Variants in TPMT observed in about 807,000 individuals in gnomAD.
TPMT encodes thiopurine S-methyltransferase.
A neutral mutation model predicts 34.2 loss-of-function variants in TPMT; 18 were observed. The ratio of observed to expected loss-of-function variants is 0.53; its 90% CI spans 0.36 to 0.78. TPMT has a LOEUF of 0.78. Among genes scored for constraint, TPMT ranks in the 30% least tolerant of loss-of-function variants. The pLI is 0.00. For synonymous variants in TPMT, 69 were observed against 92.4 expected (o/e 0.75, Z 1.45); for missense variants, 265 against 288.1 (o/e 0.92, Z 0.58).
rs1271382622 is a variant in TPMT, at chr6:18,138,274, T to G, written c.494+689A>C. ...TATTTTGATTTTTTTGTTTTTTTTT[T>G]TTTTTAAATATTTTACAGACAAGGT... On this transcript the variant is annotated intron_variant, in intron 6 of 8. Coordinates refer to ENST00000309983, the MANE Select transcript of TPMT (RefSeq NM_000367.5). This position sits in a 1 kb window ranked among gnomAD's most constrained non-coding sequence, Gnocchi z 4.1. Among the ~76,000 whole-genome samples, 1 of 151,332 alleles carries G rather than the reference T, an allele frequency of 6.6e-6. No individual in the cohort carries two copies. The highest frequency in any genetic ancestry group is 2.4e-5 in the African/African-American group (1 of 41,090).
In TPMT at chr6:18,139,561, G is replaced by T; in HGVS notation, c.419+104C>A. The T allele has an allele frequency of 1.1e-6, 1 of 919,490 alleles. No individual in the cohort carries two copies. The highest frequency in any genetic ancestry group is 1.8e-6 in the Non-Finnish European group (1 of 564,350). The allele number at this position is 919,490 out of a possible 1,614,324, so 57.0% of individuals were successfully genotyped here. ...ACATTCAAAAAAATGCTTTGTGGATGTTACACAGGAGGAAGAGAGTGAGGA... is the reference window on the plus strand; with the variant it reads ...ACATTCAAAAAAATGCTTTGTGGATTTTACACAGGAGGAAGAGAGTGAGGA... On this transcript the variant is annotated intron_variant, in intron 5 of 8. Coordinates refer to ENST00000309983, the MANE Select transcript of TPMT (RefSeq NM_000367.5). The surrounding 1 kb of genome is among the most constrained non-coding windows in gnomAD (Gnocchi z 4.2).
In TPMT at chr6:18,139,008, C is replaced by A; in HGVS notation, c.449G>T (p.Trp150Leu). 6.2e-7 allele frequency: 1 copy of A among 1,613,666 alleles called. No homozygotes were observed. Among genetic ancestry groups the A allele is most frequent in the Non-Finnish European group, 8.5e-7 (1 of 1,179,546 alleles). Residue 150 changes from tryptophan (W) to leucine (L), a missense_variant, in exon 6 of 9, where the codon TGG becomes TTG. By Grantham distance (61) the Trp-to-Leu change is moderately conservative. Coordinates refer to ENST00000309983, the MANE Select transcript of TPMT (RefSeq NM_000367.5). The surrounding 1 kb of genome is among the most constrained non-coding windows in gnomAD (Gnocchi z 4.2). ...GATGGCAACTAATGCTCCTCTATCCCAAATCATGTCAAATTTGCCAATATT... is the reference window on the plus strand; with the variant it reads ...GATGGCAACTAATGCTCCTCTATCCAAAATCATGTCAAATTTGCCAATATT... ...RTNIGKFDMI[W>L]DRGALVAINP...
intron 4 of TPMT, among the ~76,000 whole-genome samples, chr6:18,141,160 G>C (rs954308268): frequency 3.9e-5 from 6 of 152,130 alleles, no homozygotes; most frequent in African/African-American, 1.4e-4. Context: ...ATAAGATCCA[G>C]AGATGATTTC....
Position 18,131,796 on chromosome 6 carries a change from T to C in TPMT, c.625+337A>G, listed in dbSNP as rs542974211. 7.4e-4 allele frequency among the ~76,000 whole-genome samples: 112 copies of C among 152,082 alleles called. No individual in the cohort carries two copies. The highest frequency in any genetic ancestry group is 2.1e-3 in the Admixed American group (32 of 15,264). On this transcript the variant is annotated intron_variant, in intron 8 of 8. Coordinates refer to ENST00000309983, the MANE Select transcript of TPMT (RefSeq NM_000367.5). This position sits in a 1 kb window ranked among gnomAD's most constrained non-coding sequence, Gnocchi z 4.3. Reference sequence around the variant, plus strand: ...TAGTTCACAATAGGTTTTTTTTTTTTAGATGGAGTCTCACTCTGTTACCCA... The same window carrying C: ...TAGTTCACAATAGGTTTTTTTTTTTCAGATGGAGTCTCACTCTGTTACCCA...
rs1160788383 is a variant in TPMT at position 18,148,029 on chromosome 6, T to C, written c.141-114A>G. ...CTTAATAAGCAGTTACTATTAATTA[T>C]TATAATCTCCAGCTTACATATGAAG... On this transcript the variant is annotated intron_variant, in intron 2 of 8. Coordinates refer to ENST00000309983, the MANE Select transcript of TPMT (RefSeq NM_000367.5). This position sits in a 1 kb window ranked among gnomAD's most constrained non-coding sequence, Gnocchi z 4.1. The C allele has an allele frequency of 2.5e-6, 2 of 803,392 alleles. No homozygotes were observed. The highest frequency in any genetic ancestry group is 3.5e-5 in the African/African-American group (2 of 57,386). 49.8% of individuals were successfully genotyped at this position (803,392 alleles called of 1,614,324 possible).
At chr6:18,137,978 C>T (rs1211865950) in intron 6 of TPMT, among the ~76,000 whole-genome samples, 4 of 152,088 alleles carry the variant, frequency 2.6e-5, no homozygotes, top group African/African-American at 9.7e-5. Context: ...TGGGGTTTCA[C>T]CATGTTGGCC....
In TPMT at chr6:18,132,994, G is replaced by A. The variant is rs1005630714; in HGVS notation, c.580+810C>T. ...TGTAATCCCAGCTACTTGGGAGGCT[G>A]AGGCAGGAGAATCACTTGAACCCGG... On this transcript the variant is annotated intron_variant, in intron 7 of 8. Coordinates refer to ENST00000309983, the MANE Select transcript of TPMT (RefSeq NM_000367.5). This position sits in a 1 kb window ranked among gnomAD's most constrained non-coding sequence, Gnocchi z 4.8. 1.3e-5 allele frequency among the ~76,000 whole-genome samples: 2 copies of A among 151,192 alleles called. No homozygotes were observed. Among genetic ancestry groups the A allele is most frequent in the African/African-American group, 4.9e-5 (2 of 40,598 alleles).
At position 18,136,643 on chromosome 6, in the gene TPMT, A is replaced by G. The variant is rs1255109614; in HGVS notation, c.494+2320T>C. ...ACCAACATGGAGAAACCCCGTCTCTACTAAAAATACAAAAAAATTAGCCGG... is the reference window on the plus strand; with the variant it reads ...ACCAACATGGAGAAACCCCGTCTCTGCTAAAAATACAAAAAAATTAGCCGG... On this transcript the variant is annotated intron_variant, in intron 6 of 8. Transcript: ENST00000309983. This position sits in a 1 kb window ranked among gnomAD's most constrained non-coding sequence, Gnocchi z 4.7. Among the ~76,000 whole-genome samples, 1 of 152,156 alleles carries G rather than the reference A, an allele frequency of 6.6e-6. No individual in the cohort carries two copies. Among genetic ancestry groups the G allele is most frequent in the Non-Finnish European group, 1.5e-5 (1 of 68,034 alleles).
At chr6:18,152,299 T>A (rs1784366867) in intron 1 of TPMT, among the ~76,000 whole-genome samples, 1 of 152,180 alleles carries the variant, frequency 6.6e-6, no homozygotes, top group Non-Finnish European at 1.5e-5. Flanking sequence ...TCCAAAATTT[T>A]ACTAATTTTG....
Position 18,146,074 on chromosome 6 carries a change from T to G in TPMT, c.233+1749A>C, listed in dbSNP as rs1561891212. On this transcript the variant is annotated intron_variant, in intron 3 of 8. Transcript: ENST00000309983. This position sits in a 1 kb window ranked among gnomAD's most constrained non-coding sequence, Gnocchi z 6.2. ...TTTCTATTCACATCTCATGTCTGTA[T>G]AGACCTCAATACATAGATCAGTTAC... Among the ~76,000 whole-genome samples the G allele has an allele frequency of 6.6e-6, 1 of 152,222 alleles. No individual in the cohort carries two copies. The highest frequency in any genetic ancestry group is 1.5e-5 in the Non-Finnish European group (1 of 68,044).
At chr6:18,142,975 C>G (rs1043270436) in intron 4 of TPMT, among the ~76,000 whole-genome samples, 9 of 152,126 alleles carry the variant, frequency 5.9e-5, no homozygotes, top group African/African-American at 2.2e-4. Flanking sequence ...CCTCCTGTCT[C>G]TCTGCCAGGA....
In TPMT at chr6:18,139,084, TAAG is replaced by T. The variant is rs1311641940; in HGVS notation, c.420-50_420-48del. 1 of 1,536,974 alleles carries T rather than the reference TAAG, an allele frequency of 6.5e-7. No homozygotes were observed. The highest frequency in any genetic ancestry group is 9.0e-7 in the Non-Finnish European group (1 of 1,109,364). On this transcript the variant is annotated intron_variant, in intron 5 of 8. Transcript: ENST00000309983. The surrounding 1 kb of genome is among the most constrained non-coding windows in gnomAD (Gnocchi z 4.2). ...TTTTATGGGAGAAAAATCAAATCTT[TAAG>T]AAGATGAGCAGCGTCCCCCATGGTG...
In TPMT at chr6:18,135,700, C is replaced by T. The variant is rs890894600; in HGVS notation, c.495-1811G>A. Among the ~76,000 whole-genome samples the T allele has an allele frequency of 2.6e-5, 4 of 152,022 alleles. No homozygotes were observed. The highest frequency in any genetic ancestry group is 3.4e-3 in the Middle Eastern group (1 of 292). On this transcript the variant is annotated intron_variant, in intron 6 of 8. Coordinates refer to ENST00000309983, the MANE Select transcript of TPMT (RefSeq NM_000367.5). The surrounding 1 kb of genome is among the most constrained non-coding windows in gnomAD (Gnocchi z 5.0). ...CAGCCTGACCAACATGGAGAAACCC[C>T]GTCTCTAGTAAAAATACAAAATTAG... is the stretch of plus-strand genomic sequence containing the variant.
Position 18,146,725 on chromosome 6 carries a change from T to C in TPMT, c.233+1098A>G, listed in dbSNP as rs1160991484. 6.6e-6 allele frequency among the ~76,000 whole-genome samples: 1 copy of C among 152,158 alleles called. No individual in the cohort carries two copies. Among genetic ancestry groups the C allele is most frequent in the Non-Finnish European group, 1.5e-5 (1 of 68,040 alleles). On this transcript the variant is annotated intron_variant, in intron 3 of 8. Transcript: ENST00000309983. The surrounding 1 kb of genome is among the most constrained non-coding windows in gnomAD (Gnocchi z 6.2). ...AATGAATTGGTTAAAATATATGTCA[T>C]AATATAGTTTAAATATTCTCAATTT... is the stretch of plus-strand genomic sequence containing the variant.
chr6:18,142,385 T>C (rs545490330), intron 4 of TPMT, among the ~76,000 whole-genome samples: 4 of 152,196 alleles, frequency 2.6e-5, no homozygotes, highest in African/African-American at 7.2e-5. Flanking sequence ...ACCACACTTC[T>C]TCCAATTTAG....
At position 18,139,843 on chromosome 6, in the gene TPMT, G is replaced by T; in HGVS notation, c.367-126C>A. 1.5e-6 allele frequency: 1 copy of T among 655,796 alleles called. No individual in the cohort carries two copies. Among genetic ancestry groups the T allele is most frequent in the Non-Finnish European group, 2.6e-6 (1 of 378,230 alleles). 40.6% of individuals were successfully genotyped at this position (655,796 alleles called of 1,614,324 possible). On this transcript the variant is annotated intron_variant, in intron 4 of 8. Coordinates refer to ENST00000309983, the MANE Select transcript of TPMT (RefSeq NM_000367.5). The surrounding 1 kb of genome is among the most constrained non-coding windows in gnomAD (Gnocchi z 4.2). Reference sequence around the variant, plus strand: ...AATGTGTTAATTAAACATAATTAAAGTAAATAATTTTACTGCACTTTATTG... The same window carrying T: ...AATGTGTTAATTAAACATAATTAAATTAAATAATTTTACTGCACTTTATTG...
chr6:18,138,869 C>T lies in TPMT; in HGVS notation c.494+94G>A. 1 of 1,028,726 alleles carries T rather than the reference C, an allele frequency of 9.7e-7. No homozygotes were observed. The highest frequency in any genetic ancestry group is 1.5e-6 in the Non-Finnish European group (1 of 669,762). The allele number at this position is 1,028,726 out of a possible 1,614,324, so 63.7% of individuals were successfully genotyped here. On this transcript the variant is annotated intron_variant, in intron 6 of 8. Coordinates refer to ENST00000309983, the MANE Select transcript of TPMT (RefSeq NM_000367.5). This position sits in a 1 kb window ranked among gnomAD's most constrained non-coding sequence, Gnocchi z 4.1. ...TCCAAACATAATAACCTATTTCAAA[C>T]TCATAGAAGTCTAAGCTGATTTTCT...
intron 1 of TPMT, among the ~76,000 whole-genome samples, chr6:18,152,781 G>A (rs1480225207): frequency 2.0e-5 from 3 of 151,932 alleles, no homozygotes; most frequent in African/African-American, 7.3e-5. Flanking sequence ...ACCACAATTA[G>A]GCTTTGTTCT....
chr6:18,143,822 A>T lies in TPMT; in HGVS notation c.234-94T>A. 1.3e-6 allele frequency: 2 copies of T among 1,482,302 alleles called. No individual in the cohort carries two copies. The highest frequency in any genetic ancestry group is 1.8e-6 in the Non-Finnish European group (2 of 1,088,034). 91.8% of individuals were successfully genotyped at this position (1,482,302 alleles called of 1,614,324 possible). A position where few individuals can be genotyped will look rare whatever the true frequency, so the allele number is the denominator to read the frequency against. On this transcript the variant is annotated intron_variant, in intron 3 of 8. Coordinates refer to ENST00000309983, the MANE Select transcript of TPMT (RefSeq NM_000367.5). This position sits in a 1 kb window ranked among gnomAD's most constrained non-coding sequence, Gnocchi z 6.1. ...TAAGCATATATTTTCTTTAATTTAG[A>T]GGAATTTATATGAATTCAGGTTCAT...
Sources: gnomAD v4.1 joint callset for allele counts (sites outside exome capture counted in the v4.1 genomes callset) on GRCh38, gnomAD v4.1.1 for gene constraint, Gnocchi (gnomAD v3.1) non-coding constraint, MANE v1.5 for transcripts, NCBI Gene and HGNC (gene_info 2026-07-23, HGNC 2026-07-21) for gene names.